The following AFG2A variants were observed in gnomAD, a reference collection of about 807,000 sequenced individuals.
The protein encoded by AFG2A is AAA ATPase AFG2A.
chr4:123,179,608 C>T, the AFG2A span, among the ~76,000 whole-genome samples: 2 of 152,324 alleles, frequency 1.3e-5, no homozygotes, highest in African/African-American at 4.8e-5. Flanking sequence ...AGGCAGTCCG[C>T]CCACCTCAGC....
At chr4:123,313,845 T>G in the AFG2A span, 1 of 1,504,764 alleles carries the variant, frequency 6.6e-7, no homozygotes, top group Non-Finnish European at 8.9e-7. Context: ...GAGTACTGAT[T>G]GTTTTCTACC....
chr4:122,939,947 T>C, the AFG2A span, among the ~76,000 whole-genome samples: 7,989 of 152,202 alleles, frequency 0.052, 457 homozygotes, highest in African/African-American at 0.15. Context: ...CATGTCCCTG[T>C]AAAGGACATG....
chr4:123,022,061 T>C, the AFG2A span, among the ~76,000 whole-genome samples: 1 of 151,420 alleles, frequency 6.6e-6, no homozygotes, highest in East Asian at 1.9e-4. Flanking sequence ...GACTTAAACG[T>C]TAGACCTAAA....
At chr4:123,260,173 T>C in the AFG2A span, 2 of 152,196 alleles carry the variant, frequency 1.3e-5, no homozygotes, top group Non-Finnish European at 2.9e-5. Context: ...ATGTAAAAAT[T>C]TGCTTACTAT....
At chr4:123,289,504 AT>A in the AFG2A span, among the ~76,000 whole-genome samples, 1 of 152,078 alleles carries the variant, frequency 6.6e-6, no homozygotes, top group African/African-American at 2.4e-5. Flanking sequence ...TTATATAATG[AT>A]TTCTTTTCCT....
the AFG2A span, among the ~76,000 whole-genome samples, chr4:123,006,022 A>C: frequency 6.7e-6 from 1 of 150,340 alleles, no homozygotes; most frequent in Non-Finnish European, 1.5e-5. Flanking sequence ...TCAAGTTTCT[A>C]TCTGGTATCA....
the AFG2A span, among the ~76,000 whole-genome samples, chr4:123,216,457 T>C: frequency 6.6e-6 from 1 of 152,176 alleles, no homozygotes; most frequent in Non-Finnish European, 1.5e-5. Flanking sequence ...ATACACTATA[T>C]CTACATAACA....
the AFG2A span, among the ~76,000 whole-genome samples, chr4:123,066,962 A>C: frequency 1.3e-5 from 2 of 152,110 alleles, no homozygotes; most frequent in Non-Finnish European, 2.9e-5. Flanking sequence ...CTATAGCATA[A>C]TTTTTCAAAG....
At chr4:123,171,122 C>T in the AFG2A span, among the ~76,000 whole-genome samples, 13,046 of 152,200 alleles carry the variant, frequency 0.086, 1,587 homozygotes, top group African/African-American at 0.27. Context: ...AAAAATGTTA[C>T]TTAGCCTCTT....
At chr4:123,096,844 T>C in the AFG2A span, among the ~76,000 whole-genome samples, 17 of 152,294 alleles carry the variant, frequency 1.1e-4, no homozygotes, top group Non-Finnish European at 2.1e-4. Flanking sequence ...GTTAGACTCA[T>C]GGAGGTAGTA....
chr4:123,056,449 T>C, the AFG2A span: 1 of 1,611,744 alleles, frequency 6.2e-7, no homozygotes, highest in Non-Finnish European at 8.5e-7. Context: ...AGGTAAGAAA[T>C]TGTGCCTTTA....
the AFG2A span, among the ~76,000 whole-genome samples, chr4:123,019,826 A>C: frequency 1.3e-5 from 2 of 152,232 alleles, no homozygotes; most frequent in Non-Finnish European, 1.5e-5. Context: ...TCCTGCACAT[A>C]GAAGACATTT....
the AFG2A span, among the ~76,000 whole-genome samples, chr4:123,012,587 G>C: frequency 6.6e-6 from 1 of 152,168 alleles, no homozygotes; most frequent in East Asian, 1.9e-4. Flanking sequence ...TCCCCGCAGT[G>C]ATTAAACACC....
the AFG2A span, among the ~76,000 whole-genome samples, chr4:122,950,810 C>T: frequency 8.0e-4 from 122 of 152,224 alleles, no homozygotes; most frequent in Non-Finnish European, 1.5e-3. Context: ...GTCTACCTGC[C>T]ACCATTGTGC....
chr4:123,207,285 C>CTT, the AFG2A span, among the ~76,000 whole-genome samples: 1,814 of 108,478 alleles, frequency 0.017, 53 homozygotes, highest in East Asian at 0.024. Context: ...GTTGTGTTTC[C>CTT]TTTTTTTTTT....
At chr4:123,057,541 T>A in the AFG2A span, among the ~76,000 whole-genome samples, 3 of 152,190 alleles carry the variant, frequency 2.0e-5, no homozygotes, top group African/African-American at 7.2e-5. Context: ...ATTTTTATAG[T>A]TTATATCAAC....
At chr4:123,287,132 T>C in the AFG2A span, among the ~76,000 whole-genome samples, 1 of 152,138 alleles carries the variant, frequency 6.6e-6, no homozygotes, top group Non-Finnish European at 1.5e-5. Flanking sequence ...AAAGAGCAGA[T>C]TGAGTCCACA....
the AFG2A span, among the ~76,000 whole-genome samples, chr4:123,252,271 C>T: frequency 2.6e-5 from 4 of 151,808 alleles, no homozygotes; most frequent in East Asian, 5.8e-4. Context: ...GATGATATGA[C>T]CCCATGGATT....
At chr4:122,977,046 C>T in the AFG2A span, among the ~76,000 whole-genome samples, 3 of 152,134 alleles carry the variant, frequency 2.0e-5, no homozygotes, top group Non-Finnish European at 4.4e-5. Context: ...ACCTCTCATC[C>T]CCTCCCCTAC....
Sources: allele counts gnomAD v4.1 joint callset (sites outside exome capture counted in the v4.1 genomes callset), GRCh38; gene constraint gnomAD v4.1.1; transcripts MANE v1.5; gene names NCBI Gene and HGNC (gene_info 2026-07-23, HGNC 2026-07-21).